Variants in TRDN observed in about 807,000 individuals in gnomAD.
TRDN encodes triadin, also known as triadin in skeletal muscle.
TRDN carries 161 observed loss-of-function variants against 149.7 expected under a neutral mutation model. That is an observed-to-expected ratio of 1.08 (90% confidence interval 0.95 to 1.23). TRDN has a LOEUF of 1.23. Among genes scored for constraint, TRDN ranks in the 50% most tolerant of loss-of-function variants. TRDN has a pLI of 0.00. For synonymous variants in TRDN, 294 were observed against 250.5 expected (o/e 1.17, Z -1.64); for missense variants, 896 against 823.5 (o/e 1.09, Z -1.08).
At chr6:123,271,036 G>A in intron 30 of TRDN, 103 bp downstream of exon 30, 1 of 357,764 alleles carries the variant, frequency 2.8e-6, no homozygotes. Context: ...CTTCAGTGAA[G>A]GGCTGTGTGT....
At chr6:123,281,178 T>C (rs1777573189) in intron 24 of TRDN, among the ~76,000 whole-genome samples, 1 of 152,110 alleles carries the variant, frequency 6.6e-6, no homozygotes, top group African/African-American at 2.4e-5. Flanking sequence ...AAGATGTAAA[T>C]ACTTACTCTG....
chr6:123,337,623 A>G lies in TRDN; in HGVS notation c.1416T>C (p.Asp472=), dbSNP rs1464407707. 1 of 1,396,270 alleles carries G rather than the reference A, an allele frequency of 7.2e-7. No individual in the cohort carries two copies. Among genetic ancestry groups the G allele is most frequent in the Non-Finnish European group, 9.6e-7 (1 of 1,036,492 alleles). 86.5% of individuals were successfully genotyped at this position (1,396,270 alleles called of 1,614,324 possible). The change falls in exon 22 of 41, where the codon GAT becomes GAC. Residue 472 remains aspartate, a synonymous_variant. Transcript: ENST00000334268. ...KSGKTSSILK[D]KEPIKGKEEK... is the part of the protein sequence containing the mutation. The stretch of plus-strand genomic sequence containing the variant: ...ATATTAAATTAACTCTGTTACCTTT[A>G]TCTTTCAGAATTGAAGAAGTCTTCC...
At position 123,503,109 on chromosome 6, in the gene TRDN, G is replaced by A. The variant is rs9482398; in HGVS notation, c.793+610C>T. ...GACATCACTCTTGCTGAAGAATGGC[G>A]AAATATGTCACATTCAGAGCTTTCT... On this transcript the variant is annotated intron_variant, in intron 8 of 40. Coordinates refer to ENST00000334268, the MANE Select transcript of TRDN (RefSeq NM_006073.4). The A allele has an allele frequency of 1.2e-3, 1,158 of 985,246 alleles. 8 individuals are homozygous for A. The African/African-American group carries it at 0.018, about 15-fold the overall frequency. The allele number at this position is 985,246 out of a possible 1,614,324, so 61.0% of individuals were successfully genotyped here. A position where few individuals can be genotyped will look rare whatever the true frequency, so the allele number is the denominator to read the frequency against.
chr6:123,331,083 G>C (rs1424504924), intron 23 of TRDN, among the ~76,000 whole-genome samples: 1 of 152,030 alleles, frequency 6.6e-6, no homozygotes, highest in Non-Finnish European at 1.5e-5. Context: ...GGGCACAATG[G>C]AAAATTTTTA....
chr6:123,411,167 C>T (rs191566791), intron 12 of TRDN, among the ~76,000 whole-genome samples: 12 of 151,642 alleles, frequency 7.9e-5, no homozygotes, highest in Admixed American at 2.0e-4. Flanking sequence ...CAACCTCAGC[C>T]TCACGAGTAG....
chr6:123,286,706 A>AAC (rs1160246760), intron 24 of TRDN, among the ~76,000 whole-genome samples: 2 of 152,040 alleles, frequency 1.3e-5, no homozygotes, highest in African/African-American at 2.4e-5. Flanking sequence ...GAATTAAAAA[A>AAC]ACACACACAC....
chr6:123,304,518 C>G (rs531393158), intron 24 of TRDN, among the ~76,000 whole-genome samples: 11 of 152,144 alleles, frequency 7.2e-5, no homozygotes, highest in South Asian at 2.1e-4. Flanking sequence ...TCCCAAAGTG[C>G]TGGGATTAAA....
At chr6:123,492,308 A>G (rs1275040954) in intron 9 of TRDN, among the ~76,000 whole-genome samples, 1 of 152,212 alleles carries the variant, frequency 6.6e-6, no homozygotes, top group Non-Finnish European at 1.5e-5. Context: ...TTTAATCATA[A>G]TAGTTACAGA....
chr6:123,572,255 C>A (rs569153922), intron 1 of TRDN, among the ~76,000 whole-genome samples: 1 of 152,124 alleles, frequency 6.6e-6, no homozygotes, highest in Admixed American at 6.6e-5. Context: ...TTTCTGTAAA[C>A]CTCCTTTTGG....
chr6:123,331,053 T>C (rs1043569419), intron 23 of TRDN, among the ~76,000 whole-genome samples: 1 of 152,090 alleles, frequency 6.6e-6, no homozygotes, highest in East Asian at 1.9e-4. Context: ...GTTTTTATAA[T>C]TTCAGTGACT....
chr6:123,222,950 C>T (rs909268425), intron 39 of TRDN, among the ~76,000 whole-genome samples: 1 of 151,784 alleles, frequency 6.6e-6, no homozygotes, highest in South Asian at 2.1e-4. Flanking sequence ...AATAAGATAA[C>T]ATCTCACACC....
At chr6:123,305,013 AT>A (rs1240664271) in intron 24 of TRDN, among the ~76,000 whole-genome samples, 1 of 152,148 alleles carries the variant, frequency 6.6e-6, no homozygotes, top group Non-Finnish European at 1.5e-5. Context: ...ATTTGCAAAT[AT>A]TTTTATGGCA....
chr6:123,538,907 C>T (rs896270873), intron 4 of TRDN, among the ~76,000 whole-genome samples: 2 of 152,004 alleles, frequency 1.3e-5, no homozygotes, highest in African/African-American at 4.8e-5. Context: ...TGTACATAAA[C>T]CAGACAGAAG....
chr6:123,374,308 G>T (rs1781427382), intron 19 of TRDN, among the ~76,000 whole-genome samples: 1 of 151,736 alleles, frequency 6.6e-6, no homozygotes, highest in Admixed American at 6.6e-5. Context: ...CATTTTTCTA[G>T]GAAGAAGATT....
chr6:123,605,422 A>G (rs1784484681), intron 1 of TRDN, among the ~76,000 whole-genome samples: 2 of 151,844 alleles, frequency 1.3e-5, no homozygotes, highest in Admixed American at 6.6e-5. Flanking sequence ...AATAATTGAC[A>G]TAACACATCA....
At chr6:123,350,316 A>G in intron 21 of TRDN, 1 of 951,078 alleles carries the variant, frequency 1.1e-6, no homozygotes, top group East Asian at 1.2e-4. Context: ...TTAAGTCCAG[A>G]GATTCAATAT....
Position 123,551,203 on chromosome 6 carries a change from G to GATATATATATATAT in TRDN, c.233-2605_233-2592dup, listed in dbSNP as rs10547981. 3.6e-3 allele frequency among the ~76,000 whole-genome samples: 429 copies of GATATATATATATAT among 118,072 alleles called. 35 individuals carry two copies. Among genetic ancestry groups the GATATATATATATAT allele is most frequent in the Middle Eastern group, 0.022 (5 of 228 alleles). 77.5% of individuals were successfully genotyped at this position (118,072 alleles called of 152,430 possible). A position where few individuals can be genotyped will look rare whatever the true frequency, so the allele number is the denominator to read the frequency against. On this transcript the variant is annotated intron_variant, in intron 2 of 40. Coordinates refer to ENST00000334268, the MANE Select transcript of TRDN (RefSeq NM_006073.4). ...TTAAATGCACTGTATGTATTTTGCA[G>GATATATATATATAT]ATATATATATATATATATATTGCCT...
chr6:123,351,622 T>C, intron 21 of TRDN: 2 of 962,036 alleles, frequency 2.1e-6, no homozygotes, highest in Non-Finnish European at 2.5e-6. Context: ...TTAACCTTAG[T>C]TTACTTATTT....
intron 24 of TRDN, among the ~76,000 whole-genome samples, chr6:123,312,752 C>A (rs1379375489): frequency 1.3e-5 from 2 of 151,962 alleles, no homozygotes; most frequent in East Asian, 1.9e-4. Context: ...ATAGGAATGG[C>A]TCCTCTCTCT....
Sources: allele counts gnomAD v4.1 joint callset (sites outside exome capture counted in the v4.1 genomes callset), GRCh38; gene constraint gnomAD v4.1.1; transcripts MANE v1.5; gene names NCBI Gene and HGNC (gene_info 2026-07-23, HGNC 2026-07-21).